RIMBP2: variants seen among roughly 807,000 people sequenced by gnomAD.
RIMBP2 encodes RIMS-binding protein 2.
RIMBP2 carries 48 observed loss-of-function variants against 118.6 expected under a neutral mutation model. The ratio of observed to expected loss-of-function variants is 0.40; its 90% confidence interval spans 0.32 to 0.51. RIMBP2 has a LOEUF of 0.51. RIMBP2 is among the 20% of genes least tolerant of loss of function. RIMBP2 has a pLI of 0.41. For synonymous variants in RIMBP2, 762 were observed against 742.9 expected, an observed-to-expected ratio of 1.03 and a Z score of -0.42; for missense variants, 1,551 against 1,768.3, an observed-to-expected ratio of 0.88 and a Z score of 2.20.
intron 6 of RIMBP2, among the ~76,000 whole-genome samples, chr12:130,459,661 CCTGCAGG>C (rs1378892192): frequency 1.3e-5 from 2 of 152,182 alleles, no homozygotes; most frequent in African/African-American, 4.8e-5. Context: ...CTGCCAGCAG[CCTGCAGG>C]CTGCGGGCTG....
chr12:130,460,665 T>G (rs2079896921), intron 6 of RIMBP2, among the ~76,000 whole-genome samples: 1 of 152,082 alleles, frequency 6.6e-6, no homozygotes. Flanking sequence ...GGTGTTAGTA[T>G]TAGTAGCAGC....
intron 6 of RIMBP2, among the ~76,000 whole-genome samples, chr12:130,460,320 G>A (rs1038375015): frequency 3.3e-5 from 5 of 152,154 alleles, no homozygotes; most frequent in Admixed American, 1.3e-4. Flanking sequence ...GCAGCAAAGC[G>A]GCGCTCGCAG....
At chr12:130,690,219 C>G (rs750371391) in intron 1 of RIMBP2, among the ~76,000 whole-genome samples, 1 of 152,120 alleles carries the variant, frequency 6.6e-6, no homozygotes, top group Admixed American at 6.5e-5. Context: ...TTCTCCCAGG[C>G]GGCCTCCCTT....
chr12:130,487,974 A>T (rs1644333062), intron 4 of RIMBP2, among the ~76,000 whole-genome samples: 1 of 152,118 alleles, frequency 6.6e-6, no homozygotes, highest in East Asian at 1.9e-4. Context: ...TGTAATTCTC[A>T]CTTTCTCAAC....
In RIMBP2 at chr12:130,544,256, C is replaced by T. The variant is rs573948251; in HGVS notation, c.-216-26339G>A. The stretch of plus-strand genomic sequence containing the variant: ...GGGAAGAGATGCCTCTGCAATATCG[C>T]TCTCCTCCCCAGTAGGTGCTTTTGT... On this transcript the variant is annotated intron_variant, in intron 2 of 22. Coordinates refer to ENST00000690449, the MANE Select transcript of RIMBP2 (RefSeq NM_001393629.1). Among the ~76,000 whole-genome samples the T allele has an allele frequency of 1.4e-4, 21 of 152,324 alleles. No individual in the cohort carries two copies. The East Asian group carries it at 3.9e-3, about 28-fold the overall frequency.
At chr12:130,562,293 T>C (rs531021874) in intron 2 of RIMBP2, among the ~76,000 whole-genome samples, 67 of 152,360 alleles carry the variant, frequency 4.4e-4, no homozygotes, top group African/African-American at 1.5e-3. Flanking sequence ...TGGAGTTTTA[T>C]CTGCTAGAAA....
intron 2 of RIMBP2, among the ~76,000 whole-genome samples, chr12:130,522,464 G>C (rs1411801555): frequency 6.6e-6 from 1 of 152,250 alleles, no homozygotes; most frequent in Admixed American, 6.5e-5. Context: ...CCTGACAGCT[G>C]TCTGTGTCTT....
Position 130,431,318 on chromosome 12 carries a change from G to A in RIMBP2, c.2254-2981C>T, listed in dbSNP as rs556650816. 2.7e-5 allele frequency: 7 copies of A among 264,140 alleles called. No homozygotes were observed. Among genetic ancestry groups the A allele is most frequent in the African/African-American group, 1.1e-4 (5 of 45,654 alleles). The allele number at this position is 264,140 out of a possible 1,614,324, so 16.4% of individuals were successfully genotyped here. On this transcript the variant is annotated intron_variant, in intron 14 of 22. Transcript: ENST00000690449. This position sits in a 1 kb window ranked among gnomAD's most constrained non-coding sequence, Gnocchi z 4.0. ...GCCAGGGGGTAAGGGCTCATGTGAC[G>A]GGGCGGGCAGCATGGGGAAGCGGAT...
intron 2 of RIMBP2, among the ~76,000 whole-genome samples, chr12:130,551,753 T>C (rs1352045742): frequency 1.3e-5 from 2 of 152,172 alleles, no homozygotes; most frequent in African/African-American, 2.4e-5. Context: ...TTGCAGTGGG[T>C]CCCTCCAATG....
At chr12:130,472,624 T>C (rs748964587) in intron 5 of RIMBP2, among the ~76,000 whole-genome samples, 2 of 152,218 alleles carry the variant, frequency 1.3e-5, no homozygotes, top group Admixed American at 1.3e-4. Flanking sequence ...TGATGGACGA[T>C]TCAACATCAT....
At chr12:130,490,616 G>A (rs1196986909) in intron 4 of RIMBP2, among the ~76,000 whole-genome samples, 2 of 152,122 alleles carry the variant, frequency 1.3e-5, no homozygotes, top group Admixed American at 6.5e-5. Flanking sequence ...AGGCAGGTTC[G>A]GTAAGTTCCA....
At chr12:130,615,156 TTATATTG>T (rs1000097838) in intron 2 of RIMBP2, among the ~76,000 whole-genome samples, 10 of 147,228 alleles carry the variant, frequency 6.8e-5, no homozygotes, top group African/African-American at 2.5e-4. Flanking sequence ...TACATATATA[TTATATTG>T]TATATTATAT....
chr12:130,425,079 C>T (rs926795060), intron 15 of RIMBP2: 7 of 382,948 alleles, frequency 1.8e-5, no homozygotes, highest in African/African-American at 1.0e-4. Flanking sequence ...AGGCAGAGCA[C>T]ACGCAGAGCC....
chr12:130,425,059 G>T (rs1044128016), intron 15 of RIMBP2: 2 of 397,224 alleles, frequency 5.0e-6, no homozygotes, highest in Non-Finnish European at 8.8e-6. Flanking sequence ...CTGGGGCGGG[G>T]TGGAGGCTGA....
intron 1 of RIMBP2, among the ~76,000 whole-genome samples, chr12:130,664,415 A>ACGCACGCACACACACGCACACACG (rs1195044326): frequency 7.7e-6 from 1 of 130,496 alleles, no homozygotes; most frequent in Non-Finnish European, 1.7e-5. Context: ...ACGCACGCAC[A>ACGCACGCACACACACGCACACACG]CACACGCACA....
chr12:130,407,865 G>A, intron 19 of RIMBP2, 36 bp from the exon 20 acceptor site: 1 of 1,580,486 alleles, frequency 6.3e-7, no homozygotes, highest in Non-Finnish European at 8.7e-7. Context: ...AATCCATCAT[G>A]AGGTTATTTC....
intron 2 of RIMBP2, among the ~76,000 whole-genome samples, chr12:130,606,437 G>T (rs1046423157): frequency 6.6e-6 from 1 of 152,212 alleles, no homozygotes; most frequent in Admixed American, 6.5e-5. Flanking sequence ...CGTCTACACA[G>T]CTCCTCAGTT....
intron 11 of RIMBP2, among the ~76,000 whole-genome samples, chr12:130,441,449 T>TAAC (rs1329190041): frequency 2.8e-5 from 4 of 144,728 alleles, no homozygotes; most frequent in Admixed American, 2.1e-4. Context: ...ATAATAATAA[T>TAAC]TTACAAGGAC....
At position 130,415,367 on chromosome 12, in the gene RIMBP2, A is replaced by T. The variant is rs75311715; in HGVS notation, c.3239-1061T>A. Among the ~76,000 whole-genome samples the T allele has an allele frequency of 2.6e-3, 393 of 152,338 alleles. 12 individuals are homozygous for T. The East Asian group carries it at 0.069, about 27-fold the overall frequency. ...TCCAACATCCCTTCATGATTAAAAA[A>T]ACCCTCAACAATCTAGGCATTGAAA... On this transcript the variant is annotated intron_variant, in intron 17 of 22. Transcript: ENST00000690449.
Sources: allele counts gnomAD v4.1 joint callset (sites outside exome capture counted in the v4.1 genomes callset), GRCh38; gene constraint gnomAD v4.1.1; non-coding constraint Gnocchi (gnomAD v3.1); transcripts MANE v1.5; gene names NCBI Gene and HGNC (gene_info 2026-07-23, HGNC 2026-07-21).